The following PDILT variants were observed in gnomAD, a reference collection of about 807,000 sequenced individuals.
PDILT encodes protein disulfide-isomerase-like protein of the testis.
Under a neutral mutation model 53.7 loss-of-function variants are expected in PDILT, and 43 were observed. The ratio of observed to expected loss-of-function variants is 0.80; its 90% CI spans 0.63 to 1.03. The LOEUF (loss-of-function observed/expected upper bound fraction) is 1.03, where lower values mean the gene tolerates loss of function less well. Ranked by LOEUF, PDILT falls within the 50% of genes least tolerant of loss-of-function variation. The pLI is 0.00. For synonymous variants in PDILT, 282 were observed against 274.2 expected, an observed-to-expected ratio of 1.03 and a Z score of -0.28; for missense variants, 727 against 712.3, an observed-to-expected ratio of 1.02 and a Z score of -0.24.
intron 2 of PDILT, among the ~76,000 whole-genome samples, chr16:20,385,214 T>G (rs1966519035): frequency 6.6e-6 from 1 of 152,232 alleles, no homozygotes; most frequent in Non-Finnish European, 1.5e-5. Context: ...AATTGCTTAT[T>G]GTTTTCTAAG....
chr16:20,371,213 A>G (rs1250636762), intron 7 of PDILT, among the ~76,000 whole-genome samples: 1 of 152,202 alleles, frequency 6.6e-6, no homozygotes, highest in Non-Finnish European at 1.5e-5. Context: ...TCAGAGGTCC[A>G]GTAAGGAGCT....
chr16:20,363,065 C>T, intron 9 of PDILT, among the ~76,000 whole-genome samples: 1 of 62,632 alleles, frequency 1.6e-5, no homozygotes. Flanking sequence ...GAGAGAGACT[C>T]CATCTCAAAA....
In PDILT at chr16:20,399,042, A is replaced by G. The variant is rs1358487273; in HGVS notation, c.202+57T>C. The G allele has an allele frequency of 2.5e-6, 4 of 1,591,380 alleles. No individual in the cohort carries two copies. In the East Asian group the frequency reaches 8.9e-5, roughly 36 times the overall value. On this transcript the variant is annotated intron_variant, in intron 2 of 11. Coordinates refer to ENST00000302451, the MANE Select transcript of PDILT (RefSeq NM_174924.2). The stretch of plus-strand genomic sequence containing the variant: ...TATAAAACTCTTCTGGTCCCCACAC[A>G]CAAGGAGGCAGGCCTCATCCCATCT...
intron 7 of PDILT, 64 bp downstream of exon 7, chr16:20,372,738 C>CA: frequency 6.4e-7 from 1 of 1,567,776 alleles, no homozygotes; most frequent in Non-Finnish European, 8.7e-7. Flanking sequence ...CAAATGGGCT[C>CA]AGGGTCTGCA....
At chr16:20,364,456 C>A (rs1966160335) in intron 9 of PDILT, among the ~76,000 whole-genome samples, 1 of 152,202 alleles carries the variant, frequency 6.6e-6, no homozygotes, top group East Asian at 1.9e-4. Flanking sequence ...AGGGTAAGAT[C>A]ATTAACCTCT....
chr16:20,373,680 C>A (rs1966340669), intron 5 of PDILT, among the ~76,000 whole-genome samples: 1 of 152,202 alleles, frequency 6.6e-6, no homozygotes, highest in Non-Finnish European at 1.5e-5. Context: ...TTTGGCCAAT[C>A]AAAGGTGGCC....
At chr16:20,366,459 A>C (rs1829611284) in intron 8 of PDILT, among the ~76,000 whole-genome samples, 1 of 152,170 alleles carries the variant, frequency 6.6e-6, no homozygotes, top group Non-Finnish European at 1.5e-5. Flanking sequence ...AATGCTCAGC[A>C]CTTTTTCTTG....
intron 2 of PDILT, among the ~76,000 whole-genome samples, chr16:20,396,443 G>A (rs867962119): frequency 6.6e-6 from 1 of 152,172 alleles, no homozygotes; most frequent in Non-Finnish European, 1.5e-5. Context: ...AAATTTCAAC[G>A]ACTTCTACTA....
intron 2 of PDILT, among the ~76,000 whole-genome samples, chr16:20,387,152 A>C (rs1278550143): frequency 6.6e-6 from 1 of 152,268 alleles, no homozygotes; most frequent in Non-Finnish European, 1.5e-5. Flanking sequence ...GGGATATAAC[A>C]GTGAACAGAT....
chr16:20,365,074 C>T (rs1001454281), intron 9 of PDILT, among the ~76,000 whole-genome samples: 5 of 152,126 alleles, frequency 3.3e-5, no homozygotes, highest in African/African-American at 7.2e-5. Context: ...AAAAGGATGT[C>T]GTTAGGATTA....
chr16:20,370,439 G>A (rs1468896522), intron 7 of PDILT, among the ~76,000 whole-genome samples: 1 of 152,174 alleles, frequency 6.6e-6, no homozygotes, highest in African/African-American at 2.4e-5. Context: ...AGAACCTGAG[G>A]AGGTCACATT....
chr16:20,375,475 A>T (rs1401405365), intron 4 of PDILT, among the ~76,000 whole-genome samples: 1 of 152,336 alleles, frequency 6.6e-6, no homozygotes, highest in East Asian at 1.9e-4. Context: ...TCACCAACTT[A>T]TAGCAAAAGA....
At chr16:20,396,840 G>T (rs1040252509) in intron 2 of PDILT, among the ~76,000 whole-genome samples, 2 of 152,196 alleles carry the variant, frequency 1.3e-5, no homozygotes, top group African/African-American at 4.8e-5. Flanking sequence ...CCATTGCCTG[G>T]CATTGAGCTG....
intron 2 of PDILT, among the ~76,000 whole-genome samples, chr16:20,398,010 G>A (rs1966683991): frequency 6.6e-6 from 1 of 152,152 alleles, no homozygotes; most frequent in Non-Finnish European, 1.5e-5. Flanking sequence ...CGCCACTTGT[G>A]CTGTGTGACC....
chr16:20,380,898 A>T (rs1199535946), intron 3 of PDILT, among the ~76,000 whole-genome samples: 1 of 152,188 alleles, frequency 6.6e-6, no homozygotes, highest in Admixed American at 6.5e-5. Flanking sequence ...CGAGGTAGTT[A>T]TGAACTCTGC....
At position 20,376,175 on chromosome 16, in the gene PDILT, C is replaced by T. The variant is rs143170020; in HGVS notation, c.436G>A (p.Val146Ile). 4.4e-4 allele frequency: 705 copies of T among 1,614,132 alleles called. 1 individual carries two copies. The highest frequency in any genetic ancestry group is 1.8e-3 in the Middle Eastern group (11 of 6,062). The change falls in exon 4 of 12, where the codon GTT (valine) becomes ATT (isoleucine). Residue 146 changes from valine to isoleucine, a missense_variant. Transcript: ENST00000302451. ...KGVVESAALV[V>I]WLRRQISQKA... is the part of the protein sequence containing the mutation. ...TGGCTAATTTGTCGTCTCAACCAAA[C>T]GACTAAGGCAGCAGATTCAACCACT...
At position 20,399,126 on chromosome 16, in the gene PDILT, G is replaced by A; in HGVS notation, c.175C>T (p.Gln59Ter). 2 of 1,614,192 alleles carry A rather than the reference G, an allele frequency of 1.2e-6. No individual in the cohort carries two copies. Among genetic ancestry groups the A allele is most frequent in the Non-Finnish European group, 1.7e-6 (2 of 1,180,020 alleles). The change falls in exon 2 of 12, where the codon CAG (glutamine) becomes TAG (stop). Residue 59 changes from glutamine to a stop codon, truncating the protein, a stop_gained. Coordinates refer to ENST00000302451, the MANE Select transcript of PDILT (RefSeq NM_174924.2). LOFTEE classifies it high-confidence loss of function. ...AAAAGCACCATGAGGAAGCGGGTCT[G>A]GTTCAGCATCTGGGTCAGGCCAGCG... The part of the protein sequence containing the change: ...TPAGLTQMLN[Q>*]TRFLMVLFHN...
intron 10 of PDILT, among the ~76,000 whole-genome samples, chr16:20,362,100 G>T (rs1966111424): frequency 6.6e-6 from 1 of 152,190 alleles, no homozygotes; most frequent in Non-Finnish European, 1.5e-5. Flanking sequence ...TTAGGGCAGA[G>T]CTCAGCCCCA....
chr16:20,375,227 C>A (rs1273369380), intron 4 of PDILT, among the ~76,000 whole-genome samples: 1 of 152,134 alleles, frequency 6.6e-6, no homozygotes, highest in Non-Finnish European at 1.5e-5. Context: ...GTGTTCTAAC[C>A]CAATGAGACT....
Sources: gnomAD v4.1 joint callset for allele counts (sites outside exome capture counted in the v4.1 genomes callset) on GRCh38, gnomAD v4.1.1 for gene constraint, MANE v1.5 for transcripts, NCBI Gene and HGNC (gene_info 2026-07-23, HGNC 2026-07-21) for gene names.